The following WDR88 variants were observed in gnomAD, a reference collection of about 807,000 sequenced individuals.
The protein encoded by WDR88 is WD repeat domain 88, also known as WD repeat-containing protein 88.
A neutral mutation model predicts 46.8 loss-of-function variants in WDR88; 40 were observed. That is an observed-to-expected ratio of 0.86 (90% CI 0.66 to 1.11). The LOEUF is 1.11. Among genes scored for constraint, WDR88 ranks in the 50% most tolerant of loss-of-function variants. WDR88 has a pLI of 0.00. For synonymous variants in WDR88, 235 were observed against 240.7 expected (o/e 0.98, Z 0.22); for missense variants, 562 against 602.4 (o/e 0.93, Z 0.70).
At position 33,175,562 on chromosome 19, in the gene WDR88, A is replaced by G; in HGVS notation, c.1409A>G (p.Lys470Arg). Reference sequence around the variant, plus strand: ...AACTCACCGCCGCCAAGGGGAAGCAAGGATGACTGACAGCCACAGGCCCCT... The same window carrying G: ...AACTCACCGCCGCCAAGGGGAAGCAGGGATGACTGACAGCCACAGGCCCCT... Reference protein sequence around the residue: ...RENSPPPRGSKDD With the variant: ...RENSPPPRGSRDD Residue 470 changes from lysine to arginine, a missense_variant, in exon 11 of 11, where the codon AAG (lysine) becomes AGG (arginine). Transcript: ENST00000355868. 6.2e-7 allele frequency: 1 copy of G among 1,614,142 alleles called. No homozygotes were observed. Among genetic ancestry groups the G allele is most frequent in the South Asian group, 1.1e-5 (1 of 91,086 alleles).
At chr19:33,160,616 T>C in intron 8 of WDR88, 120 bp downstream of exon 8, 1 of 1,042,054 alleles carries the variant, frequency 9.6e-7, no homozygotes, top group Non-Finnish European at 1.5e-6. Context: ...CTCTGTGGGC[T>C]GATGAAGGAC....
At chr19:33,173,416 GGGGCT>G (rs1974073071) in intron 10 of WDR88, among the ~76,000 whole-genome samples, 1 of 152,266 alleles carries the variant, frequency 6.6e-6, no homozygotes, top group African/African-American at 2.4e-5. Flanking sequence ...AGGCACAGCT[GGGGCT>G]GGCCACAGAG....
At chr19:33,175,355 C>A (rs770400200) in intron 10 of WDR88, 41 bp from the exon 11 acceptor site, 1 of 1,602,392 alleles carries the variant, frequency 6.2e-7, no homozygotes, top group Non-Finnish European at 8.5e-7. Context: ...TCACCTCTGA[C>A]CAGCACCTCC....
chr19:33,132,328 C>T lies in WDR88; in HGVS notation c.159C>T (p.His53=), dbSNP rs1360086914. The T allele has an allele frequency of 5.6e-6, 9 of 1,614,130 alleles. No individual in the cohort carries two copies. The highest frequency in any genetic ancestry group is 1.7e-5 in the Admixed American group (1 of 60,032). Residue 53 remains histidine, a synonymous_variant, in exon 1 of 11, where the codon CAC becomes CAT. Transcript: ENST00000355868. The stretch of plus-strand genomic sequence containing the variant: ...TCAAGCTGTCGATCCCGCACACGCA[C>T]CTGCTGGCCACCCTCGACCCCCTGG... ...GRFKLSIPHT[H]LLATLDPLAL...
At chr19:33,145,752 T>C (rs1973499269) in intron 3 of WDR88, among the ~76,000 whole-genome samples, 1 of 151,906 alleles carries the variant, frequency 6.6e-6, no homozygotes, top group Admixed American at 6.6e-5. Flanking sequence ...CAGGCTGTTC[T>C]CGAACTCTTG....
intron 1 of WDR88, among the ~76,000 whole-genome samples, chr19:33,135,793 A>T (rs2145359630): frequency 6.6e-6 from 1 of 152,356 alleles, no homozygotes; most frequent in Non-Finnish European, 1.5e-5. Flanking sequence ...AACTATTGGC[A>T]TCCTTGCCAA....
At chr19:33,137,109 CTTCTT>C (rs145750139) in intron 1 of WDR88, among the ~76,000 whole-genome samples, 57,184 of 145,578 alleles carry the variant, frequency 0.39, 12,636 homozygotes, top group African/African-American at 0.62. Flanking sequence ...TTTCTTTCTT[CTTCTT>C]TTTTTTTTTT....
chr19:33,133,173 A>AAATAAATAAATAAAT (rs1973167231), intron 1 of WDR88, among the ~76,000 whole-genome samples: 1 of 96,386 alleles, frequency 1.0e-5, no homozygotes, highest in Non-Finnish European at 2.3e-5. Context: ...ATAAATAAAT[A>AAATAAATAAATAAAT]AATAAATAAA....
In WDR88 at chr19:33,132,351, T is replaced by C; in HGVS notation, c.182T>C (p.Leu61Pro). 6.2e-7 allele frequency: 1 copy of C among 1,613,882 alleles called. No homozygotes were observed. The highest frequency in any genetic ancestry group is 8.5e-7 in the Non-Finnish European group (1 of 1,179,958). ...CACCTGCTGGCCACCCTCGACCCCC[T>C]GGCCTTGGACAGGGAACCACCACCG... is the stretch of plus-strand genomic sequence containing the variant. ...HTHLLATLDP[L>P]ALDREPPPHL... Residue 61 changes from leucine to proline, a missense_variant, in exon 1 of 11, where the codon CTG becomes CCG. Transcript: ENST00000355868.
At chr19:33,173,116 AAAAG>A (rs1229994588) in intron 10 of WDR88, among the ~76,000 whole-genome samples, 2 of 149,380 alleles carry the variant, frequency 1.3e-5, no homozygotes, top group Non-Finnish European at 3.0e-5. Flanking sequence ...AAAAAAAAAA[AAAAG>A]AGAAGAAAGA....
At chr19:33,159,930 G>A (rs1973835419) in intron 7 of WDR88, among the ~76,000 whole-genome samples, 1 of 151,908 alleles carries the variant, frequency 6.6e-6, no homozygotes, top group Admixed American at 6.6e-5. Context: ...ATCTGGGGGT[G>A]ATGGGAGACA....
At chr19:33,158,073 G>C (rs1285866275) in intron 7 of WDR88, among the ~76,000 whole-genome samples, 1 of 151,998 alleles carries the variant, frequency 6.6e-6, no homozygotes, top group African/African-American at 2.4e-5. Context: ...AGGTGAATGG[G>C]GGCAGTGACA....
chr19:33,172,382 T>C lies in WDR88; in HGVS notation c.1184T>C (p.Ile395Thr), dbSNP rs1339885621. ...ATGAGACTGTGGAATATTGAAGAAATTGATGAAATTCCTTTGGTAATCAAG... is the reference window on the plus strand; with the variant it reads ...ATGAGACTGTGGAATATTGAAGAAACTGATGAAATTCCTTTGGTAATCAAG... ...RTMRLWNIEE[I>T]DEIPLVIKYK... The change falls in exon 10 of 11, where the codon ATT becomes ACT. Residue 395 changes from isoleucine (I) to threonine (T), a missense_variant. By Grantham distance (89) the Ile-to-Thr change is moderately conservative (BLOSUM62 -1). Coordinates refer to ENST00000355868, the MANE Select transcript of WDR88 (RefSeq NM_173479.4). The C allele has an allele frequency of 1.5e-5, 25 of 1,613,882 alleles. 1 individual carries two copies. The Admixed American group carries it at 3.3e-4, about 22-fold the overall frequency.
chr19:33,160,315 A>T, intron 7 of WDR88, 99 bp from the exon 8 acceptor site: 1 of 1,154,844 alleles, frequency 8.7e-7, no homozygotes, highest in South Asian at 1.2e-5. Flanking sequence ...TGTCAGAGTG[A>T]GATGAGGTGG....
chr19:33,132,894 T>A (rs1973160119), intron 1 of WDR88, among the ~76,000 whole-genome samples: 1 of 152,138 alleles, frequency 6.6e-6, no homozygotes, highest in Non-Finnish European at 1.5e-5. Context: ...GCAAGGTGGC[T>A]CACACCTGTA....
intron 2 of WDR88, among the ~76,000 whole-genome samples, chr19:33,138,566 C>T (rs533358732): frequency 1.3e-5 from 2 of 151,708 alleles, no homozygotes; most frequent in South Asian, 2.1e-4. Flanking sequence ...AGGCTGGTCT[C>T]GAACTCCTGA....
At chr19:33,172,287 A>G in intron 9 of WDR88, 61 bp from the exon 10 acceptor site, 1 of 1,367,966 alleles carries the variant, frequency 7.3e-7, no homozygotes, top group South Asian at 1.2e-5. Context: ...GTTGAATGAC[A>G]TTCCTTTGTA....
At chr19:33,136,355 TA>T (rs1203306625) in intron 1 of WDR88, among the ~76,000 whole-genome samples, 1 of 148,946 alleles carries the variant, frequency 6.7e-6, no homozygotes, top group Non-Finnish European at 1.5e-5. Flanking sequence ...GTGCCTGGCC[TA>T]ATTTTTGTAT....
chr19:33,145,906 TG>T, intron 3 of WDR88, among the ~76,000 whole-genome samples: 1 of 152,358 alleles, frequency 6.6e-6, no homozygotes, highest in African/African-American at 2.4e-5. Flanking sequence ...GATACATTTA[TG>T]TTTTTTTGTA....
Sources: allele counts gnomAD v4.1 joint callset (sites outside exome capture counted in the v4.1 genomes callset), GRCh38; gene constraint gnomAD v4.1.1; transcripts MANE v1.5; gene names NCBI Gene and HGNC (gene_info 2026-07-23, HGNC 2026-07-21).